GATA3: variants seen among roughly 807,000 people sequenced by gnomAD.
GATA3 encodes the protein GATA binding protein 3, also known as trans-acting T-cell-specific transcription factor GATA-3.
In GATA3, 6 loss-of-function variants were observed where a neutral mutation model predicts 36.0. That is an observed-to-expected ratio of 0.17 (90% CI 0.09 to 0.33). The LOEUF (loss-of-function observed/expected upper bound fraction) is 0.33, where lower values mean the gene tolerates loss of function less well. Among genes scored for constraint, GATA3 ranks in the 10% least tolerant of loss-of-function variants. GATA3 has a pLI of 1.00. For synonymous variants in GATA3, 326 were observed against 273.0 expected, an observed-to-expected ratio of 1.19 and a Z score of -1.92; for missense variants, 514 against 610.1, an observed-to-expected ratio of 0.84 and a Z score of 1.66.
chr10:8,063,872 C>A, intron 3 of GATA3, 121 bp from the exon 4 acceptor site: 2 of 1,383,008 alleles, frequency 1.4e-6, no homozygotes, highest in Non-Finnish European at 2.0e-6. Flanking sequence ...ACACGCTCCC[C>A]AAAAGAGGAG....
intron 3 of GATA3, among the ~76,000 whole-genome samples, chr10:8,059,295 C>G (rs1157372413): frequency 1.3e-5 from 2 of 152,208 alleles, no homozygotes; most frequent in African/African-American, 4.8e-5. Flanking sequence ...GACTGTTCCT[C>G]TCGCTCAGCT....
chr10:8,056,949 C>A (rs12262979), intron 2 of GATA3, among the ~76,000 whole-genome samples: 68 of 152,264 alleles, frequency 4.5e-4, no homozygotes, highest in African/African-American at 1.6e-3. Flanking sequence ...TGCCCTGATT[C>A]CCCTACTCAG....
chr10:8,063,469 A>C (rs1218563764), intron 3 of GATA3, among the ~76,000 whole-genome samples: 1 of 152,176 alleles, frequency 6.6e-6, no homozygotes, highest in Non-Finnish European at 1.5e-5. Context: ...GCATCTATTT[A>C]TTATCTGTTC....
In GATA3 at chr10:8,054,874, C is replaced by G. The variant is rs1420416916; in HGVS notation, c.-387C>G. 1 of 152,060 alleles carries G rather than the reference C, an allele frequency of 6.6e-6. No individual in the cohort carries two copies. Among genetic ancestry groups the G allele is most frequent in the Admixed American group, 6.5e-5 (1 of 15,272 alleles). 9.4% of individuals were successfully genotyped at this position (152,060 alleles called of 1,614,324 possible). A position where few individuals can be genotyped will look rare whatever the true frequency, so the allele number is the denominator to read the frequency against. The stretch of plus-strand genomic sequence containing the variant: ...GTACGCCGCCGCCTCCTCCTCCTCT[C>G]TGCTCTTCGCTACCCAGGTTGGTAC... On this transcript the variant is annotated 5_prime_UTR_variant, in exon 1 of 6. Transcript: ENST00000379328. The surrounding 1 kb of genome is among the most constrained non-coding windows in gnomAD (Gnocchi z 4.2).
chr10:8,068,833 C>T (rs1359368541), intron 4 of GATA3, among the ~76,000 whole-genome samples: 1 of 152,220 alleles, frequency 6.6e-6, no homozygotes, highest in Non-Finnish European at 1.5e-5. Context: ...GGCGCTTCCT[C>T]AGGTGTGTCA....
intron 2 of GATA3, among the ~76,000 whole-genome samples, chr10:8,056,758 C>T (rs1832646625): frequency 6.6e-6 from 1 of 152,138 alleles, no homozygotes; most frequent in East Asian, 1.9e-4. Context: ...CCTCTTTCTC[C>T]CTTTCACCTG....
In GATA3 at chr10:8,055,833, G is replaced by A. The variant is rs1214590648; in HGVS notation, c.178G>A (p.Val60Ile). 3 of 1,587,020 alleles carry A rather than the reference G, an allele frequency of 1.9e-6. No individual in the cohort carries two copies. Among genetic ancestry groups the A allele is most frequent in the Non-Finnish European group, 1.7e-6 (2 of 1,166,564 alleles). Residue 60 changes from valine (V) to isoleucine (I), a missense_variant, in exon 2 of 6, where the codon GTC becomes ATC. Physicochemically the swap from Val to Ile is conservative, Grantham distance 29 (BLOSUM62 3). Around this residue, in one of 3 missense-constraint regions of GATA3, gnomAD observed 381 missense variants for 354.3 expected, o/e 1.08. Coordinates refer to ENST00000379328, the MANE Select transcript of GATA3 (RefSeq NM_001002295.2). This position sits in a 1 kb window ranked among gnomAD's most constrained non-coding sequence, Gnocchi z 5.4. Reference sequence around the variant, plus strand: ...TAACATCGACGGTCAAGGCAACCACGTCCCGCCCTACTACGGAAACTCGGT... The same window carrying A: ...TAACATCGACGGTCAAGGCAACCACATCCCGCCCTACTACGGAAACTCGGT... ...LFNIDGQGNH[V>I]PPYYGNSVRA...
intron 1 of GATA3, among the ~76,000 whole-genome samples, chr10:8,046,552 G>C (rs1242020525): frequency 6.6e-6 from 1 of 152,094 alleles, no homozygotes; most frequent in Non-Finnish European, 1.5e-5. Context: ...CGAGAAGGTA[G>C]TGGTAGTAGC....
rs1439823772 is a variant in GATA3 at position 8,073,717 on chromosome 10, A to G, written c.1051-22A>G. 3 of 1,595,144 alleles carry G rather than the reference A, an allele frequency of 1.9e-6. No individual in the cohort carries two copies. In the African/African-American group the frequency reaches 4.1e-5, roughly 22 times the overall value. ...GGCAGCAAAAAAGTAAAAAAAAAAAAAAAAAATTGATCTTTGTTTAGATTA... is the reference window on the plus strand; with the variant it reads ...GGCAGCAAAAAAGTAAAAAAAAAAAGAAAAAATTGATCTTTGTTTAGATTA... On this transcript the variant is annotated intron_variant, in intron 5 of 5. Coordinates refer to ENST00000379328, the MANE Select transcript of GATA3 (RefSeq NM_001002295.2).
chr10:8,058,683 C>T lies in GATA3; in HGVS notation c.620C>T (p.Ala207Val), dbSNP rs1778076. Residue 207 changes from alanine to valine, a missense_variant, in exon 3 of 6, where the codon GCC becomes GTC. By Grantham distance (64) the Ala-to-Val change is moderately conservative. Around this residue, in one of 3 missense-constraint regions of GATA3, gnomAD observed 381 missense variants for 354.3 expected, o/e 1.08. Transcript: ENST00000379328. The stretch of plus-strand genomic sequence containing the variant: ...TCCCACTCCCGTGGCAGCATGACCG[C>T]CCTGGGTGGAGCCTCCTCGTCGACC... ...ESSHSRGSMT[A>V]LGGASSSTHH... 4 of 1,613,300 alleles carry T rather than the reference C, an allele frequency of 2.5e-6. No homozygotes were observed. Among genetic ancestry groups the T allele is most frequent in the Non-Finnish European group, 3.4e-6 (4 of 1,179,990 alleles).
chr10:8,047,247 A>T (rs1379592148), intron 1 of GATA3, among the ~76,000 whole-genome samples: 1 of 152,178 alleles, frequency 6.6e-6, no homozygotes, highest in Non-Finnish European at 1.5e-5. Flanking sequence ...CAGGTGGCTG[A>T]AAACCCCTCT....
chr10:8,058,031 C>A (rs1380482413), intron 2 of GATA3, among the ~76,000 whole-genome samples: 1 of 152,320 alleles, frequency 6.6e-6, no homozygotes, highest in African/African-American at 2.4e-5. Flanking sequence ...TCTGCAGCAA[C>A]CTCTCGGGTG....
chr10:8,058,436 G>A lies in GATA3; in HGVS notation c.373G>A (p.Gly125Ser), dbSNP rs535492085. The A allele has an allele frequency of 1.6e-5, 25 of 1,612,824 alleles. No individual in the cohort carries two copies. Among genetic ancestry groups the A allele is most frequent in the African/African-American group, 5.3e-5 (4 of 75,010 alleles). Residue 125 changes from glycine (G) to serine (S), a missense_variant, in exon 3 of 6, where the codon GGC (glycine) becomes AGC (serine). By Grantham distance (56) the Gly-to-Ser change is moderately conservative. Coordinates refer to ENST00000379328, the MANE Select transcript of GATA3 (RefSeq NM_001002295.2). ...CTTCTCCAAGACGTCCATCCACCAC[G>A]GCTCCCCGGGGCCCCTCTCCGTCTA... Reference protein sequence around the residue: ...SPFSKTSIHHGSPGPLSVYPP... With the variant: ...SPFSKTSIHHSSPGPLSVYPP...
intron 3 of GATA3, 89 bp downstream of exon 3, chr10:8,058,930 G>T: frequency 5.6e-6 from 7 of 1,256,686 alleles, no homozygotes; most frequent in Non-Finnish European, 6.7e-6. Context: ...CCCCTCAGGG[G>T]AGCCGGGGTG....
intron 3 of GATA3, among the ~76,000 whole-genome samples, chr10:8,059,536 C>G (rs193004547): frequency 1.3e-5 from 2 of 152,306 alleles, no homozygotes; most frequent in East Asian, 3.9e-4. Flanking sequence ...TCAGTGCAGT[C>G]AGGGGCAGGA....
At position 8,055,960 on chromosome 10, in the gene GATA3, C is replaced by T; in HGVS notation, c.241+64C>T. ...TTCAGCCGTCCCGGCTCGGGGAGGT[C>T]GGGAGGGACCTGAGGGCGGGGAGAG... On this transcript the variant is annotated intron_variant, in intron 2 of 5. Coordinates refer to ENST00000379328, the MANE Select transcript of GATA3 (RefSeq NM_001002295.2). This position sits in a 1 kb window ranked among gnomAD's most constrained non-coding sequence, Gnocchi z 5.4. The T allele has an allele frequency of 6.5e-7, 1 of 1,544,918 alleles. No individual in the cohort carries two copies. The highest frequency in any genetic ancestry group is 1.2e-5 in the South Asian group (1 of 83,722).
chr10:8,070,149 T>C (rs10508340), intron 5 of GATA3, among the ~76,000 whole-genome samples: 5,045 of 152,322 alleles, frequency 0.033, 245 homozygotes, highest in Admixed American at 0.12. Context: ...AGATTTCGTC[T>C]GATGTCTTTG....
chr10:8,056,961 G>T (rs1358026381), intron 2 of GATA3, among the ~76,000 whole-genome samples: 1 of 152,164 alleles, frequency 6.6e-6, no homozygotes, highest in East Asian at 1.9e-4. Context: ...CCTACTCAGA[G>T]CCTGCCTTGA....
chr10:8,045,908 T>C (rs1187144111), intron 1 of GATA3, among the ~76,000 whole-genome samples: 1 of 152,182 alleles, frequency 6.6e-6, no homozygotes, highest in African/African-American at 2.4e-5. Flanking sequence ...GTGGCTTCAG[T>C]GTCAATTTCA....
Sources: allele counts gnomAD v4.1 joint callset (sites outside exome capture counted in the v4.1 genomes callset), GRCh38; gene constraint gnomAD v4.1.1; regional missense constraint gnomAD v4.1.1; non-coding constraint Gnocchi (gnomAD v3.1); transcripts MANE v1.5; gene names NCBI Gene and HGNC (gene_info 2026-07-23, HGNC 2026-07-21).